Variants in MPP1 observed in about 807,000 individuals in gnomAD.
MPP1 encodes the protein MAGUK p55 scaffold protein 1, also known as 55 kDa erythrocyte membrane protein.
In MPP1, 6 loss-of-function variants were observed where a neutral mutation model predicts 38.2. The ratio of observed to expected loss-of-function variants is 0.16; its 90% confidence interval spans 0.09 to 0.31. The LOEUF (loss-of-function observed/expected upper bound fraction) is 0.31, where lower values mean the gene tolerates loss of function less well. Ranked by LOEUF, MPP1 falls within the 10% of genes least tolerant of loss-of-function variation. The pLI, the probability that MPP1 is intolerant of heterozygous loss-of-function variation, is 1.00. For missense variants in MPP1, 293 were observed against 368.9 expected, an observed-to-expected ratio of 0.79 and a Z score of 1.69; for synonymous variants, 153 against 146.3, an observed-to-expected ratio of 1.05 and a Z score of -0.33.
rs1303240864 is a variant in MPP1, at chrX:154,781,922, G to T, written c.947-120C>A. 5 of 653,701 alleles carry T rather than the reference G, an allele frequency of 7.6e-6. No individual in the cohort carries two copies. In the South Asian group the frequency reaches 1.1e-4, roughly 15 times the overall value. The allele number at this position is 653,701 out of a possible 1,213,427, so 53.9% of individuals were successfully genotyped here. On this transcript the variant is annotated intron_variant, in intron 9 of 11. Transcript: ENST00000369534. Reference sequence around the variant, plus strand: ...TTTGGTGCATTGACTTTAATACAGGGGTTCCTCCCGTGGGCTCCTGAAGAG... The same window carrying T: ...TTTGGTGCATTGACTTTAATACAGGTGTTCCTCCCGTGGGCTCCTGAAGAG...
At chrX:154,796,879 G>C (rs968070312) in intron 1 of MPP1, among the ~76,000 whole-genome samples, 2 of 110,414 alleles carry the variant, frequency 1.8e-5, no homozygotes, top group African/African-American at 6.6e-5. Context: ...ATGAAGGAGT[G>C]AATGCATTAC....
chrX:154,781,216 C>T lies in MPP1; in HGVS notation c.1224+23G>A, dbSNP rs369342258. 9 of 1,179,201 alleles carry T rather than the reference C, an allele frequency of 7.6e-6. No individual in the cohort carries two copies. The South Asian group carries it at 1.5e-4, about 19-fold the overall frequency. ...GCAGGCCCGGAGAAAGTGAACTACC[C>T]ATCGCGCACAACCTCTCCTCACCTG... On this transcript the variant is annotated intron_variant, in intron 11 of 11. Coordinates refer to ENST00000369534, the MANE Select transcript of MPP1 (RefSeq NM_002436.4).
At chrX:154,781,100 G>T (rs2071987662) in intron 11 of MPP1, 139 bp downstream of exon 11, 10 of 534,832 alleles carry the variant, frequency 1.9e-5, no homozygotes. Flanking sequence ...CATACCCTTT[G>T]GCTTCTTGGC....
At chrX:154,795,325 G>A (rs959042488) in intron 1 of MPP1, among the ~76,000 whole-genome samples, 1 of 111,315 alleles carries the variant, frequency 9.0e-6, no homozygotes, top group Non-Finnish European at 1.9e-5. Context: ...TATGATACCC[G>A]GGATACACCA....
chrX:154,792,640 T>C (rs1320482233), intron 1 of MPP1, among the ~76,000 whole-genome samples: 22 of 110,987 alleles, frequency 2.0e-4, no homozygotes, highest in African/African-American at 6.9e-4. Flanking sequence ...GGGTATTACA[T>C]AATATATAAC....
chrX:154,786,075 A>C (rs2072068871), intron 6 of MPP1, 129 bp downstream of exon 6: 4 of 589,312 alleles, frequency 6.8e-6, no homozygotes, highest in Non-Finnish European at 1.0e-5. Context: ...TCCCCCACCC[A>C]TTATGCCAGG....
intron 9 of MPP1, 99 bp downstream of exon 9, chrX:154,783,328 A>G: frequency 2.2e-6 from 1 of 455,206 alleles, no homozygotes; most frequent in Non-Finnish European, 3.2e-6. Context: ...CATTTAAAAT[A>G]AAATAATTTA....
chrX:154,781,381 CCTACATAGCTGT>C (rs2071997150), intron 10 of MPP1, 68 bp from the exon 11 acceptor site: 2 of 867,091 alleles, frequency 2.3e-6, no homozygotes, highest in Admixed American at 5.4e-5. Flanking sequence ...AAAAAAAAAA[CCTACATAGCTGT>C]CATAATGGAT....
chrX:154,793,933 T>A (rs1223247304), intron 1 of MPP1, among the ~76,000 whole-genome samples: 1 of 112,266 alleles, frequency 8.9e-6, no homozygotes, highest in African/African-American at 3.2e-5. Context: ...TCCTTACTCT[T>A]CCTTAATTTG....
At chrX:154,795,289 A>T (rs1458809434) in intron 1 of MPP1, among the ~76,000 whole-genome samples, 1 of 111,750 alleles carries the variant, frequency 8.9e-6, no homozygotes, top group African/African-American at 3.3e-5. Flanking sequence ...ATTGTCTAAG[A>T]TAGGCTTATA....
chrX:154,791,711 A>G, intron 3 of MPP1, 58 bp downstream of exon 3: 1 of 1,030,841 alleles, frequency 9.7e-7, no homozygotes, highest in Non-Finnish European at 1.4e-6. Context: ...ACACCACTGA[A>G]CAGGGAGTAA....
chrX:154,779,710 G>A (rs2071967762), intron 11 of MPP1, among the ~76,000 whole-genome samples: 1 of 112,201 alleles, frequency 8.9e-6, no homozygotes, highest in Non-Finnish European at 1.9e-5. Context: ...CGAAGATAAA[G>A]GTGATTTTGT....
chrX:154,789,452 C>T (rs973647959), intron 5 of MPP1, among the ~76,000 whole-genome samples: 1 of 112,307 alleles, frequency 8.9e-6, no homozygotes, highest in East Asian at 2.8e-4. Flanking sequence ...CTATCAATCA[C>T]GGGGCTTTAT....
chrX:154,794,558 C>T (rs1344640465), intron 1 of MPP1, among the ~76,000 whole-genome samples: 1 of 111,701 alleles, frequency 9.0e-6, no homozygotes, highest in Non-Finnish European at 1.9e-5. Flanking sequence ...CAGTCACACC[C>T]AGAGGTGACC....
At chrX:154,781,389 G>A (rs782006178) in intron 10 of MPP1, 76 bp from the exon 11 acceptor site, 587 of 878,940 alleles carry the variant, frequency 6.7e-4, no homozygotes, top group Non-Finnish European at 8.3e-4. Context: ...AACCTACATA[G>A]CTGTCATAAT....
chrX:154,805,143 C>T, intron 1 of MPP1, 129 bp downstream of exon 1: 1 of 637,852 alleles, frequency 1.6e-6, no homozygotes, highest in Non-Finnish European at 2.4e-6. Context: ...CCGGCTATCG[C>T]GGTCTCCGAC....
intron 1 of MPP1, among the ~76,000 whole-genome samples, chrX:154,803,103 G>A (rs1287127247): frequency 2.7e-5 from 3 of 112,190 alleles, no homozygotes; most frequent in Non-Finnish European, 5.6e-5. Context: ...GTTTCATAAA[G>A]GAGAGAAACC....
chrX:154,788,140 A>G (rs782739195), intron 5 of MPP1, among the ~76,000 whole-genome samples: 1 of 112,611 alleles, frequency 8.9e-6, no homozygotes, highest in South Asian at 3.6e-4. Context: ...ACCTTGTGGT[A>G]AGTAAAAACT....
At position 154,779,101 on chromosome X, in the gene MPP1, G is replaced by C; in HGVS notation, c.*76C>G. On this transcript the variant is annotated 3_prime_UTR_variant, in exon 12 of 12. Coordinates refer to ENST00000369534, the MANE Select transcript of MPP1 (RefSeq NM_002436.4). The stretch of plus-strand genomic sequence containing the variant: ...ACACAAAACTAGTTGGAGCAGCCCT[G>C]TTTGTCTTAAAGCAAGGCGGGTGGA... 1 of 1,030,024 alleles carries C rather than the reference G, an allele frequency of 9.7e-7. No individual in the cohort carries two copies. Among genetic ancestry groups the C allele is most frequent in the African/African-American group, 1.9e-5 (1 of 53,701 alleles). 84.9% of individuals were successfully genotyped at this position (1,030,024 alleles called of 1,213,427 possible). A position where few individuals can be genotyped will look rare whatever the true frequency, so the allele number is the denominator to read the frequency against.
Sources: allele counts gnomAD v4.1 joint callset (sites outside exome capture counted in the v4.1 genomes callset), GRCh38; gene constraint gnomAD v4.1.1; transcripts MANE v1.5; gene names NCBI Gene and HGNC (gene_info 2026-07-23, HGNC 2026-07-21).